The following ACSL1 variants were observed in gnomAD, a reference collection of about 807,000 sequenced individuals.
ACSL1 encodes long-chain-fatty-acid--CoA ligase 1.
In ACSL1, 41 loss-of-function variants were observed where a neutral mutation model predicts 98.4. That is an observed-to-expected ratio of 0.42 (90% CI 0.32 to 0.54). The LOEUF is 0.54. Ranked by LOEUF, ACSL1 falls within the 20% of genes least tolerant of loss-of-function variation. The probability of loss-of-function intolerance (pLI) is 0.13; values close to 1 mark genes in which losing one functional copy is unlikely to be tolerated. For synonymous variants in ACSL1, 316 were observed against 322.7 expected, an observed-to-expected ratio of 0.98 and a Z score of 0.22; for missense variants, 734 against 883.1, an observed-to-expected ratio of 0.83 and a Z score of 2.14.
intron 1 of ACSL1, among the ~76,000 whole-genome samples, chr4:184,811,024 T>A (rs1772008284): frequency 6.6e-6 from 1 of 152,166 alleles, no homozygotes; most frequent in Admixed American, 6.5e-5. Context: ...GCTGAGCACA[T>A]CAGCCCAGTC....
rs141382457 is a variant in ACSL1, at chr4:184,788,524, G to A, written c.310+93C>T. 1.2e-3 allele frequency: 1,277 copies of A among 1,048,512 alleles called. 7 individuals carry two copies. Among genetic ancestry groups the A allele is most frequent in the Middle Eastern group, 6.8e-3 (34 of 5,028 alleles). 65.0% of individuals were successfully genotyped at this position (1,048,512 alleles called of 1,614,324 possible). On this transcript the variant is annotated intron_variant, in intron 3 of 20. Transcript: ENST00000281455. ...GGGGCCTGAGCGATCCTAAGGAGGC[G>A]AAAGATAGGAGCAAATGTGCATTTC...
At chr4:184,797,011 A>G (rs972529322) in intron 2 of ACSL1, among the ~76,000 whole-genome samples, 2 of 152,172 alleles carry the variant, frequency 1.3e-5, no homozygotes, top group Non-Finnish European at 2.9e-5. Context: ...GGTGTCAGTG[A>G]GGGCGAGTGA....
At chr4:184,817,254 G>T (rs888415918) in intron 1 of ACSL1, among the ~76,000 whole-genome samples, 2 of 152,068 alleles carry the variant, frequency 1.3e-5, no homozygotes, top group African/African-American at 2.4e-5. Context: ...TGCTAGAGAA[G>T]GAGTTAACTT....
chr4:184,765,290 G>A (rs942118808), intron 14 of ACSL1, among the ~76,000 whole-genome samples: 15 of 152,142 alleles, frequency 9.9e-5, no homozygotes, highest in South Asian at 2.1e-4. Flanking sequence ...CATGGTGTGC[G>A]GGTAGGCTCA....
chr4:184,780,542 A>T (rs1766077220), intron 4 of ACSL1, 109 bp from the exon 5 acceptor site: 8 of 705,044 alleles, frequency 1.1e-5, no homozygotes, highest in South Asian at 1.0e-4. Flanking sequence ...CTGCACACAG[A>T]AACGGAGAGG....
rs760245733 is a variant in ACSL1 at position 184,812,206 on chromosome 4, G to A, written c.-32-8660C>T. On this transcript the variant is annotated intron_variant, in intron 1 of 20. Coordinates refer to ENST00000281455, the MANE Select transcript of ACSL1 (RefSeq NM_001995.5). Reference sequence around the variant, plus strand: ...ATGTAGATGCTTCTTCCTCTCCCCGGCCAGGGTCTCCTCCCATCTGTCTTT... The same window carrying A: ...ATGTAGATGCTTCTTCCTCTCCCCGACCAGGGTCTCCTCCCATCTGTCTTT... The A allele has an allele frequency of 4.1e-4, 402 of 985,338 alleles. 3 individuals are homozygous for A. Among genetic ancestry groups the A allele is most frequent in the Admixed American group, 1.7e-3 (28 of 16,262 alleles). The allele number at this position is 985,338 out of a possible 1,614,324, so 61.0% of individuals were successfully genotyped here.
At chr4:184,811,356 C>A (rs1459108494) in intron 1 of ACSL1, among the ~76,000 whole-genome samples, 5 of 152,112 alleles carry the variant, frequency 3.3e-5, no homozygotes, top group Non-Finnish European at 1.5e-5. Context: ...TTGTGATCTG[C>A]CCGCCTTGGC....
chr4:184,810,551 G>T (rs1221145586), intron 1 of ACSL1, among the ~76,000 whole-genome samples: 1 of 152,164 alleles, frequency 6.6e-6, no homozygotes, highest in East Asian at 1.9e-4. Context: ...CTCTTAGGGA[G>T]GGTTGCATGG....
rs770808554 is a variant in ACSL1 at position 184,783,893 on chromosome 4, A to G, written c.375+34T>C. 7.6e-6 allele frequency: 12 copies of G among 1,585,898 alleles called. No individual in the cohort carries two copies. In the South Asian group the frequency reaches 1.3e-4, roughly 18 times the overall value. Reference sequence around the variant, plus strand: ...ATACAGAAGCACCCCTGCTTGCAAGAGGAGTCCACAGAGCCTGTCTCATAC... The same window carrying G: ...ATACAGAAGCACCCCTGCTTGCAAGGGGAGTCCACAGAGCCTGTCTCATAC... On this transcript the variant is annotated intron_variant, in intron 4 of 20. Coordinates refer to ENST00000281455, the MANE Select transcript of ACSL1 (RefSeq NM_001995.5).
intron 2 of ACSL1, chr4:184,798,482 T>C (rs541028642): frequency 1.8e-4 from 32 of 176,102 alleles, no homozygotes; most frequent in Middle Eastern, 2.8e-3. Flanking sequence ...AACTCACATA[T>C]TCTCTCTGGA....
intron 2 of ACSL1, among the ~76,000 whole-genome samples, chr4:184,792,621 T>A (rs1194777446): frequency 6.6e-6 from 1 of 152,108 alleles, no homozygotes; most frequent in Non-Finnish European, 1.5e-5. Flanking sequence ...TTATTATTTG[T>A]AGAGGCAAGG....
chr4:184,773,194 A>G lies in ACSL1; in HGVS notation c.842-40T>C. 3 of 1,573,166 alleles carry G rather than the reference A, an allele frequency of 1.9e-6. No individual in the cohort carries two copies. Among genetic ancestry groups the G allele is most frequent in the Non-Finnish European group, 2.6e-6 (3 of 1,143,998 alleles). The stretch of plus-strand genomic sequence containing the variant: ...TGAAGCAGAACAAAGTTAAAGAATG[A>G]CAGAAATGAAGGAGGCCCAGAAACC... On this transcript the variant is annotated intron_variant, in intron 9 of 20. Coordinates refer to ENST00000281455, the MANE Select transcript of ACSL1 (RefSeq NM_001995.5). The surrounding 1 kb of genome is among the most constrained non-coding windows in gnomAD (Gnocchi z 4.3).
rs1764311698 is a variant in ACSL1, at chr4:184,770,394, C to T, written c.993+5G>A. On this transcript the variant is annotated splice_donor_5th_base_variant and intron_variant, in intron 11 of 20. Coordinates refer to ENST00000281455, the MANE Select transcript of ACSL1 (RefSeq NM_001995.5). ...CAAGCAAGGAAAACAAAATTAAATG[C>T]CTACCTCTACAACTCTCTCAAACAT... 1.2e-6 allele frequency: 2 copies of T among 1,613,018 alleles called. No individual in the cohort carries two copies. The highest frequency in any genetic ancestry group is 1.7e-6 in the Non-Finnish European group (2 of 1,179,610).
chr4:184,811,266 G>T lies in ACSL1; in HGVS notation c.-32-7720C>A, dbSNP rs527746461. Among the ~76,000 whole-genome samples the T allele has an allele frequency of 7.7e-3, 1,169 of 151,380 alleles. 11 individuals are homozygous for T. The highest frequency in any genetic ancestry group is 0.026 in the African/African-American group (1,061 of 40,894). On this transcript the variant is annotated intron_variant, in intron 1 of 20. Transcript: ENST00000281455. The stretch of plus-strand genomic sequence containing the variant: ...TGGAACTTCAGGCACCCGCCACCAC[G>T]CCTGGCTAATTTTTTTTTTGTATTT...
rs374040036 is a variant in ACSL1 at position 184,757,084 on chromosome 4, T to C, written c.*41A>G. ...TGAAGGCCATCAGCAGGAGAAGAGATTGTGGAACTGTGCCATTTCCTCTGA... is the reference window on the plus strand; with the variant it reads ...TGAAGGCCATCAGCAGGAGAAGAGACTGTGGAACTGTGCCATTTCCTCTGA... On this transcript the variant is annotated 3_prime_UTR_variant, in exon 21 of 21. Transcript: ENST00000281455. The surrounding 1 kb of genome is among the most constrained non-coding windows in gnomAD (Gnocchi z 4.5). 3.3e-6 allele frequency: 5 copies of C among 1,533,668 alleles called. No individual in the cohort carries two copies. Among genetic ancestry groups the C allele is most frequent in the Non-Finnish European group, 4.4e-6 (5 of 1,127,708 alleles).
At chr4:184,810,770 ATGGGCT>A (rs1771980227) in intron 1 of ACSL1, among the ~76,000 whole-genome samples, 1 of 152,192 alleles carries the variant, frequency 6.6e-6, no homozygotes, top group Non-Finnish European at 1.5e-5. Flanking sequence ...GTTTGGGGAA[ATGGGCT>A]TAGTTATGAG....
In ACSL1 at chr4:184,770,535, A is replaced by G. The variant is rs372853261; in HGVS notation, c.916-59T>C. 331 of 941,246 alleles carry G rather than the reference A, an allele frequency of 3.5e-4. 1 individual carries two copies. In the Middle Eastern group the frequency reaches 7.8e-3, roughly 22 times the overall value. 58.3% of individuals were successfully genotyped at this position (941,246 alleles called of 1,614,324 possible). A position where few individuals can be genotyped will look rare whatever the true frequency, so the allele number is the denominator to read the frequency against. On this transcript the variant is annotated intron_variant, in intron 10 of 20. Transcript: ENST00000281455. ...ATTAAGACTCCCAGTGAAGGGGAAC[A>G]TCGCACACCAGGGACGGTTGTGGGG... is the stretch of plus-strand genomic sequence containing the variant.
intron 2 of ACSL1, among the ~76,000 whole-genome samples, chr4:184,794,531 T>C (rs116401167): frequency 0.1 from 15,856 of 152,240 alleles, 1,007 homozygotes; most frequent in Non-Finnish European, 0.15. Context: ...ATCCTGACAC[T>C]GGCATGCAGG....
rs908291897 is a variant in ACSL1 at position 184,810,717 on chromosome 4, C to T, written c.-32-7171G>A. On this transcript the variant is annotated intron_variant, in intron 1 of 20. Transcript: ENST00000281455. Reference sequence around the variant, plus strand: ...TTAATCTGGAACAAACGATAGGGCTCAAGCGGATAGGATAGGATAGGATAG... The same window carrying T: ...TTAATCTGGAACAAACGATAGGGCTTAAGCGGATAGGATAGGATAGGATAG... Among the ~76,000 whole-genome samples the T allele has an allele frequency of 2.6e-5, 4 of 151,492 alleles. No individual in the cohort carries two copies. The South Asian group carries it at 6.2e-4, about 24-fold the overall frequency.
Sources: allele counts gnomAD v4.1 joint callset (sites outside exome capture counted in the v4.1 genomes callset), GRCh38; gene constraint gnomAD v4.1.1; non-coding constraint Gnocchi (gnomAD v3.1); transcripts MANE v1.5; gene names NCBI Gene and HGNC (gene_info 2026-07-23, HGNC 2026-07-21).